The following NOTCH4 variants were observed in gnomAD, a reference collection of about 807,000 sequenced individuals.
NOTCH4 encodes neurogenic locus notch homolog protein 4.
In NOTCH4, 138 loss-of-function variants were observed where a neutral mutation model predicts 189.0. The ratio of observed to expected loss-of-function variants is 0.73; its 90% CI spans 0.64 to 0.84. NOTCH4 has a LOEUF of 0.84. Ranked by LOEUF, NOTCH4 falls within the 40% of genes least tolerant of loss-of-function variation. NOTCH4 has a pLI of 0.00. For synonymous variants in NOTCH4, 942 were observed against 1,032.8 expected (o/e 0.91, Z 1.69); for missense variants, 2,286 against 2,605.4 (o/e 0.88, Z 2.67).
chr6:32,195,250 C>A lies in NOTCH4; in HGVS notation c.*187G>T. On this transcript the variant is annotated 3_prime_UTR_variant, in exon 30 of 30. Coordinates refer to ENST00000375023, the MANE Select transcript of NOTCH4 (RefSeq NM_004557.4). This position sits in a 1 kb window ranked among gnomAD's most constrained non-coding sequence, Gnocchi z 5.4. ...CCTGCCTCATCCTAGCATCTTAAAC[C>A]CTCTTTCCAGAGCTGCAGCTTCTCC... The A allele has an allele frequency of 1.6e-6, 1 of 614,284 alleles. No homozygotes were observed. Among genetic ancestry groups the A allele is most frequent in the South Asian group, 2.2e-5 (1 of 45,724 alleles). The allele number at this position is 614,284 out of a possible 1,614,324, so 38.1% of individuals were successfully genotyped here.
At position 32,201,765 on chromosome 6, in the gene NOTCH4, C is replaced by T; in HGVS notation, c.3756-265G>A. 2.4e-6 allele frequency: 1 copy of T among 414,724 alleles called. No individual in the cohort carries two copies. Among genetic ancestry groups the T allele is most frequent in the East Asian group, 3.5e-5 (1 of 28,422 alleles). 25.7% of individuals were successfully genotyped at this position (414,724 alleles called of 1,614,324 possible). On this transcript the variant is annotated intron_variant, in intron 21 of 29. Coordinates refer to ENST00000375023, the MANE Select transcript of NOTCH4 (RefSeq NM_004557.4). This position sits in a 1 kb window ranked among gnomAD's most constrained non-coding sequence, Gnocchi z 5.5. The stretch of plus-strand genomic sequence containing the variant: ...AAAGGAGAGTCCCAGGCCCTTTTCC[C>T]TCTGTGAGGTGCTGACTGCTAGGGG...
rs146830107 is a variant in NOTCH4, at chr6:32,203,350, A to G, written c.3231+420T>C. 4.3e-3 allele frequency: 728 copies of G among 168,834 alleles called. 7 individuals carry two copies. The highest frequency in any genetic ancestry group is 5.0e-3 in the Middle Eastern group (2 of 400). 10.5% of individuals were successfully genotyped at this position (168,834 alleles called of 1,614,324 possible). A position where few individuals can be genotyped will look rare whatever the true frequency, so the allele number is the denominator to read the frequency against. On this transcript the variant is annotated intron_variant, in intron 20 of 29. Transcript: ENST00000375023. ...TTCTTGGGTTAGGTTCATGGGTGTT[A>G]CATTGTTAGAATAATAAAATAAAAG...
chr6:32,201,069 C>G lies in NOTCH4; in HGVS notation c.4139+48G>C, dbSNP rs1258633917. On this transcript the variant is annotated intron_variant, in intron 22 of 29. Transcript: ENST00000375023. The surrounding 1 kb of genome is among the most constrained non-coding windows in gnomAD (Gnocchi z 5.5). Reference sequence around the variant, plus strand: ...CCTGGCTCCCTTTCCTCCCTCTGCCCTCTTAAAAAAACTGGTGTCTGGCCC... The same window carrying G: ...CCTGGCTCCCTTTCCTCCCTCTGCCGTCTTAAAAAAACTGGTGTCTGGCCC... The G allele has an allele frequency of 6.4e-7, 1 of 1,572,940 alleles. No homozygotes were observed. The highest frequency in any genetic ancestry group is 1.8e-5 in the Admixed American group (1 of 55,786).
At chr6:32,214,484 T>TATATATATATATATATATATATGTAC (rs28383875) in intron 12 of NOTCH4, among the ~76,000 whole-genome samples, 1 of 141,176 alleles carries the variant, frequency 7.1e-6, no homozygotes. Context: ...TATATATATA[T>TATATATATATATATATATATATGTAC]ACACACATAT....
intron 18 of NOTCH4, among the ~76,000 whole-genome samples, chr6:32,205,547 C>CAAAAAAAA (rs9281672): frequency 2.4e-3 from 123 of 51,938 alleles, no homozygotes; most frequent in Non-Finnish European, 2.8e-3. Context: ...GATGCTGTCT[C>CAAAAAAAA]AAAAAAAAAA....
intron 4 of NOTCH4, 23 bp downstream of exon 4, chr6:32,220,955 G>A (rs529528606): frequency 8.2e-6 from 13 of 1,592,296 alleles, no homozygotes; most frequent in African/African-American, 6.7e-5. Context: ...AGGGGCGGCC[G>A]GAGAGCCCCT....
chr6:32,216,510 T>C, intron 11 of NOTCH4: 1 of 258,200 alleles, frequency 3.9e-6, no homozygotes, highest in African/African-American at 2.3e-5. Flanking sequence ...GCTCTTGTAA[T>C]ATCCTGCACG....
In NOTCH4 at chr6:32,212,192, C is replaced by T. The variant is rs1330846366; in HGVS notation, c.2680+282G>A. ...TGATCAGGACAGAGTTGAGTTGCTC[C>T]ACGTTGAGTCATGTCCCTCATGGTT... is the stretch of plus-strand genomic sequence containing the variant. On this transcript the variant is annotated intron_variant, in intron 17 of 29. Coordinates refer to ENST00000375023, the MANE Select transcript of NOTCH4 (RefSeq NM_004557.4). The surrounding 1 kb of genome is among the most constrained non-coding windows in gnomAD (Gnocchi z 4.4). 6.6e-6 allele frequency among the ~76,000 whole-genome samples: 1 copy of T among 152,140 alleles called. No individual in the cohort carries two copies. The highest frequency in any genetic ancestry group is 1.5e-5 in the Non-Finnish European group (1 of 68,040).
In NOTCH4 at chr6:32,222,776, G is replaced by T. The variant is rs150489662; in HGVS notation, c.186C>A (p.Cys62Ter). The T allele has an allele frequency of 1.9e-6, 3 of 1,611,176 alleles. No homozygotes were observed. The highest frequency in any genetic ancestry group is 1.7e-6 in the Non-Finnish European group (2 of 1,179,050). Residue 62 changes from cysteine (C) to a stop codon, truncating the protein, a stop_gained, in exon 3 of 30, where the codon TGC (cysteine) becomes TGA (stop). Transcript: ENST00000375023. LOFTEE classifies it high-confidence loss of function. The part of the protein sequence containing the change: ...QCAPGFLGET[C>*]QFPDPCQNAQ... ...CGTTCTGGCAGGGGTCAGGAAACTG[G>T]CACGTCTCACCCAGGAAGCCAGGGG...
Position 32,210,671 on chromosome 6 carries a change from G to A in NOTCH4, c.2865+81C>T. The A allele has an allele frequency of 7.4e-7, 1 of 1,354,396 alleles. No homozygotes were observed. The highest frequency in any genetic ancestry group is 1.0e-6 in the Non-Finnish European group (1 of 953,582). 83.9% of individuals were successfully genotyped at this position (1,354,396 alleles called of 1,614,324 possible). On this transcript the variant is annotated intron_variant, in intron 18 of 29. Coordinates refer to ENST00000375023, the MANE Select transcript of NOTCH4 (RefSeq NM_004557.4). This position sits in a 1 kb window ranked among gnomAD's most constrained non-coding sequence, Gnocchi z 4.8. ...TAAAAGGAGGTGAAATGGATACATT[G>A]GGTCTTCCCTCAGTCACTACTGTCT...
Position 32,213,210 on chromosome 6 carries a change from G to T in NOTCH4, c.2363C>A (p.Thr788Asn). 1.2e-6 allele frequency: 2 copies of T among 1,614,008 alleles called. No homozygotes were observed. The highest frequency in any genetic ancestry group is 1.7e-6 in the Non-Finnish European group (2 of 1,179,946). ...NGGTCVNRPG[T>N]FSCLCAMGFQ... ...GCCCATGGCACAGAGGCAGGAGAAG[G>T]TGCCAGGCCTGTTCACACAGGTACC... The change falls in exon 15 of 30, where the codon ACC becomes AAC. Residue 788 changes from threonine (T) to asparagine (N), a missense_variant. Coordinates refer to ENST00000375023, the MANE Select transcript of NOTCH4 (RefSeq NM_004557.4).
rs918021924 is a variant in NOTCH4 at position 32,210,152 on chromosome 6, C to T, written c.2865+600G>A. Among the ~76,000 whole-genome samples the T allele has an allele frequency of 6.6e-6, 1 of 152,118 alleles. No homozygotes were observed. The highest frequency in any genetic ancestry group is 2.4e-5 in the African/African-American group (1 of 41,410). On this transcript the variant is annotated intron_variant, in intron 18 of 29. Transcript: ENST00000375023. The surrounding 1 kb of genome is among the most constrained non-coding windows in gnomAD (Gnocchi z 4.8). ...CCTGAAGAAGATGCCTCCTGAACAC[C>T]AGCCTGTGGAAGAGGGGTTGGGAAG...
At position 32,198,641 on chromosome 6, in the gene NOTCH4, C is replaced by T; in HGVS notation, c.4617+8G>A. 1 of 1,611,654 alleles carries T rather than the reference C, an allele frequency of 6.2e-7. No homozygotes were observed. ...ACCTCCAGACCATTCTTGCCCCAGC[C>T]CTTTCACCTGGCCCACCTCCTCTCC... On this transcript the variant is annotated splice_region_variant and intron_variant, in intron 25 of 29. Transcript: ENST00000375023. This position sits in a 1 kb window ranked among gnomAD's most constrained non-coding sequence, Gnocchi z 5.5.
At position 32,223,064 on chromosome 6, in the gene NOTCH4, T is replaced by G. The variant is rs773964913; in HGVS notation, c.96A>C (p.Pro32=). The G allele has an allele frequency of 8.1e-6, 13 of 1,613,842 alleles. No individual in the cohort carries two copies. Among genetic ancestry groups the G allele is most frequent in the Non-Finnish European group, 1.0e-5 (12 of 1,179,954 alleles). Residue 32 remains proline (P), a synonymous_variant, in exon 2 of 30, where the codon CCA becomes CCC. Transcript: ENST00000375023. The stretch of plus-strand genomic sequence containing the variant: ...AGGTGCCTCCATTGGCACAGGGTTC[T>G]GGGAAACTCCCACACAGCAGCCCTG... ...RPRGLLCGSF[P]EPCANGGTCL... is the part of the protein sequence containing the mutation.
At chr6:32,204,110 C>T in intron 19 of NOTCH4, 27 bp downstream of exon 19, 1 of 1,610,332 alleles carries the variant, frequency 6.2e-7, no homozygotes, top group Non-Finnish European at 8.5e-7. Context: ...TCCAGACACA[C>T]TTGTGCCCCT....
At position 32,223,949 on chromosome 6, in the gene NOTCH4, C is replaced by A. The variant is rs1789966919; in HGVS notation, c.-21G>T. 2 of 1,589,180 alleles carry A rather than the reference C, an allele frequency of 1.3e-6. No individual in the cohort carries two copies. The highest frequency in any genetic ancestry group is 1.7e-6 in the Non-Finnish European group (2 of 1,174,002). On this transcript the variant is annotated 5_prime_UTR_variant, in exon 1 of 30. Transcript: ENST00000375023. ...TGCATTCCACAGCCCCTTCTCCAAG[C>A]CCCGGTCCCTGTCCCTCTTCAGGCA...
rs1049419919 is a variant in NOTCH4 at position 32,200,693 on chromosome 6, G to A, written c.4315+138C>T. On this transcript the variant is annotated intron_variant, in intron 23 of 29. Coordinates refer to ENST00000375023, the MANE Select transcript of NOTCH4 (RefSeq NM_004557.4). The surrounding 1 kb of genome is among the most constrained non-coding windows in gnomAD (Gnocchi z 5.0). ...AGTGGGAGATTCAGTTAGAGAAAGC[G>A]GGGTTAGGGAAAGTAAGTCCCCACA... 32 of 664,400 alleles carry A rather than the reference G, an allele frequency of 4.8e-5. No individual in the cohort carries two copies. The highest frequency in any genetic ancestry group is 7.6e-5 in the Non-Finnish European group (31 of 409,142). The allele number at this position is 664,400 out of a possible 1,614,324, so 41.2% of individuals were successfully genotyped here.
Position 32,203,779 on chromosome 6 carries a change from G to A in NOTCH4, c.3222C>T (p.His1074=). ...ATTTGTGGTCACTTGCCTTGGGGCAGTGGCAGATGAAACCCAGGGGTGATC... is the reference window on the plus strand; with the variant it reads ...ATTTGTGGTCACTTGCCTTGGGGCAATGGCAGATGAAACCCAGGGGTGATC... ...TAGSPLGFIC[H]CPKGFEGPTC... The change falls in exon 20 of 30, where the codon CAC becomes CAT. Residue 1074 remains histidine (H), a synonymous_variant. Transcript: ENST00000375023. 3.9e-6 allele frequency: 6 copies of A among 1,554,852 alleles called. No individual in the cohort carries two copies. Among genetic ancestry groups the A allele is most frequent in the Non-Finnish European group, 5.2e-6 (6 of 1,148,940 alleles).
intron 12 of NOTCH4, among the ~76,000 whole-genome samples, chr6:32,214,919 C>G (rs970595193): frequency 1.3e-5 from 2 of 152,200 alleles, no homozygotes; most frequent in African/African-American, 4.8e-5. Flanking sequence ...AGACCGTAAT[C>G]AGCACTGCGC....
Sources: gnomAD v4.1 joint callset for allele counts (sites outside exome capture counted in the v4.1 genomes callset) on GRCh38, gnomAD v4.1.1 for gene constraint, Gnocchi (gnomAD v3.1) non-coding constraint, MANE v1.5 for transcripts, NCBI Gene and HGNC (gene_info 2026-07-23, HGNC 2026-07-21) for gene names.